The following MROH9 variants were observed in gnomAD, a reference collection of about 807,000 sequenced individuals.
MROH9 encodes maestro heat-like repeat-containing protein family member 9.
MROH9 carries 92 observed loss-of-function variants against 98.2 expected under a neutral mutation model. The observed-to-expected ratio is 0.94, with a 90% CI of 0.79 to 1.11. The LOEUF is 1.11. Among genes scored for constraint, MROH9 ranks in the 50% most tolerant of loss-of-function variants. The pLI, the probability that MROH9 is intolerant of heterozygous loss-of-function variation, is 0.00. For missense variants in MROH9, 1,057 were observed against 1,014.8 expected (o/e 1.04, Z -0.57); for synonymous variants, 397 against 368.9 (o/e 1.08, Z -0.87).
At chr1:170,967,931 C>T (rs922818112) in intron 7 of MROH9, among the ~76,000 whole-genome samples, 1 of 152,104 alleles carries the variant, frequency 6.6e-6, no homozygotes, top group African/African-American at 2.4e-5. Context: ...GTATATATCT[C>T]CTTCTCCTCC....
chr1:170,998,427 G>A (rs781309048), intron 15 of MROH9, 153 bp downstream of exon 15: 10 of 1,592,164 alleles, frequency 6.3e-6, no homozygotes, highest in South Asian at 4.6e-5. Context: ...GATGGGGAGA[G>A]GTGTGGAGTT....
At chr1:170,996,053 G>C (rs1266022939) in intron 13 of MROH9, among the ~76,000 whole-genome samples, 3 of 152,118 alleles carry the variant, frequency 2.0e-5, no homozygotes, top group African/African-American at 4.8e-5. Flanking sequence ...TTTTGCCCAA[G>C]GGTGTACAGT....
chr1:170,945,033 G>A (rs1351072684), intron 1 of MROH9, among the ~76,000 whole-genome samples: 1 of 151,980 alleles, frequency 6.6e-6, no homozygotes, highest in Non-Finnish European at 1.5e-5. Flanking sequence ...AGTCTTTTAA[G>A]TCTGGGTCTG....
At chr1:171,052,822 G>C (rs1382928884) in intron 20 of MROH9, among the ~76,000 whole-genome samples, 1 of 152,186 alleles carries the variant, frequency 6.6e-6, no homozygotes, top group Admixed American at 6.5e-5. Flanking sequence ...TAATGCAGGT[G>C]AGTAGGTGCA....
chr1:170,951,098 C>G (rs551777330), intron 3 of MROH9, among the ~76,000 whole-genome samples: 1 of 151,926 alleles, frequency 6.6e-6, no homozygotes, highest in Admixed American at 6.6e-5. Flanking sequence ...TTAGAGATGA[C>G]CACACTAAAT....
chr1:170,974,247 C>T (rs796585543), intron 8 of MROH9, among the ~76,000 whole-genome samples: 29 of 152,018 alleles, frequency 1.9e-4, no homozygotes, highest in African/African-American at 7.0e-4. Flanking sequence ...GACAGAAAAA[C>T]AAATTAAAGA....
At chr1:171,030,940 A>G (rs1267050424) in intron 20 of MROH9, among the ~76,000 whole-genome samples, 4 of 152,162 alleles carry the variant, frequency 2.6e-5, no homozygotes, top group Admixed American at 2.6e-4. Flanking sequence ...ATTTCTTACA[A>G]ACTTGTTTTA....
intron 3 of MROH9, among the ~76,000 whole-genome samples, chr1:170,956,760 G>C (rs1649778954): frequency 6.6e-6 from 1 of 151,788 alleles, no homozygotes; most frequent in African/African-American, 2.4e-5. Flanking sequence ...TTCTGGAGGA[G>C]TCTTTAGGGT....
At chr1:170,962,929 G>A (rs746595214) in intron 6 of MROH9, among the ~76,000 whole-genome samples, 12 of 151,778 alleles carry the variant, frequency 7.9e-5, no homozygotes, top group Non-Finnish European at 1.3e-4. Flanking sequence ...CAAAAATTTC[G>A]TGAAAAAGAC....
Position 170,970,702 on chromosome 1 carries a change from C to CTGTGTGTGTGTG in MROH9, c.481-1027_481-1016dup, listed in dbSNP as rs3980698. On this transcript the variant is annotated intron_variant, in intron 7 of 21. Transcript: ENST00000367759. ...CTTCATATTTCTTCCTTAGGAATTT[C>CTGTGTGTGTGTG]TGTGTGTGTGTGTGTGTGTGTGTGT... is the stretch of plus-strand genomic sequence containing the variant. Among the ~76,000 whole-genome samples the CTGTGTGTGTGTG allele has an allele frequency of 5.9e-3, 700 of 118,348 alleles. 8 individuals are homozygous for CTGTGTGTGTGTG. The East Asian group carries it at 0.06, about 10-fold the overall frequency. The allele number at this position is 118,348 out of a possible 152,430, so 77.6% of individuals were successfully genotyped here. A position where few individuals can be genotyped will look rare whatever the true frequency, so the allele number is the denominator to read the frequency against.
At chr1:171,015,932 T>C (rs186418903) in intron 16 of MROH9, among the ~76,000 whole-genome samples, 1 of 152,326 alleles carries the variant, frequency 6.6e-6, no homozygotes, top group Admixed American at 6.5e-5. Context: ...TAGGGAGTGA[T>C]AATTTTTTAG....
intron 1 of MROH9, among the ~76,000 whole-genome samples, chr1:170,942,406 CACA>C (rs1557866635): frequency 5.4e-4 from 75 of 137,940 alleles, no homozygotes; most frequent in African/African-American, 8.1e-4. Context: ...CACACACACA[CACA>C]CCCTCAGAGA....
Position 170,965,107 on chromosome 1 carries a change from A to G in MROH9, c.376-44A>G, listed in dbSNP as rs561431697. On this transcript the variant is annotated intron_variant, in intron 6 of 21. Coordinates refer to ENST00000367759, the MANE Select transcript of MROH9 (RefSeq NM_001163629.2). ...AGAATAGAGGAAAGGTTCTTGGAAA[A>G]TGGAAATTTCATGGTTCTAGGATGA... is the stretch of plus-strand genomic sequence containing the variant. 4 of 1,422,534 alleles carry G rather than the reference A, an allele frequency of 2.8e-6. No individual in the cohort carries two copies. The East Asian group carries it at 6.9e-5, about 25-fold the overall frequency. The allele number at this position is 1,422,534 out of a possible 1,614,324, so 88.1% of individuals were successfully genotyped here. A position where few individuals can be genotyped will look rare whatever the true frequency, so the allele number is the denominator to read the frequency against.
At chr1:170,965,290 T>C (rs1317874879) in intron 7 of MROH9, 35 bp downstream of exon 7, 4 of 1,375,100 alleles carry the variant, frequency 2.9e-6, no homozygotes, top group Non-Finnish European at 4.1e-6. Flanking sequence ...CACCTGATTC[T>C]GAAGACTGCA....
intron 16 of MROH9, among the ~76,000 whole-genome samples, chr1:171,015,654 A>T (rs929524678): frequency 1.3e-5 from 2 of 150,808 alleles, no homozygotes; most frequent in Non-Finnish European, 1.5e-5. Flanking sequence ...CTCATGTCCA[A>T]ATGGGTCACT....
At chr1:170,940,930 C>T (rs140185365) in intron 1 of MROH9, among the ~76,000 whole-genome samples, 140 of 152,288 alleles carry the variant, frequency 9.2e-4, no homozygotes, top group Middle Eastern at 3.4e-3. Context: ...AACCAGTATG[C>T]GGATTCCACT....
chr1:171,043,582 T>C (rs985043315), intron 20 of MROH9, among the ~76,000 whole-genome samples: 2 of 152,084 alleles, frequency 1.3e-5, no homozygotes, highest in African/African-American at 4.8e-5. Flanking sequence ...AGTATGGACA[T>C]TTTAACAAAA....
At position 170,943,086 on chromosome 1, in the gene MROH9, A is replaced by G. The variant is rs1436362731; in HGVS notation, c.-37-2434A>G. ...ATAAGCAATAATTTTAAAAGAATCA[A>G]TACAGGATCTAAACAAATTTTTTAC... On this transcript the variant is annotated intron_variant, in intron 1 of 21. Transcript: ENST00000367759. 1.2e-4 allele frequency among the ~76,000 whole-genome samples: 18 copies of G among 152,194 alleles called. 1 individual carries two copies. Among genetic ancestry groups the G allele is most frequent in the Admixed American group, 1.2e-3 (18 of 15,270 alleles).
At chr1:171,023,357 G>T (rs1652577757) in intron 17 of MROH9, among the ~76,000 whole-genome samples, 1 of 152,158 alleles carries the variant, frequency 6.6e-6, no homozygotes, top group Admixed American at 6.6e-5. Flanking sequence ...ATGCCAGTAT[G>T]CAGAGAGCTT....
Sources: allele counts gnomAD v4.1 joint callset (sites outside exome capture counted in the v4.1 genomes callset), GRCh38; gene constraint gnomAD v4.1.1; transcripts MANE v1.5; gene names NCBI Gene and HGNC (gene_info 2026-07-23, HGNC 2026-07-21).